Variants in MMAA observed in about 807,000 individuals in gnomAD.
MMAA encodes the protein methylmalonic aciduria type A protein, mitochondrial.
Under a neutral mutation model 45.0 loss-of-function variants are expected in MMAA, and 41 were observed. That is an observed-to-expected ratio of 0.91 (90% confidence interval 0.71 to 1.18). The LOEUF (loss-of-function observed/expected upper bound fraction) is 1.18, where lower values mean the gene tolerates loss of function less well. MMAA is among the 50% of genes most tolerant of loss of function. The pLI is 0.00. For synonymous variants in MMAA, 154 were observed against 178.2 expected, an observed-to-expected ratio of 0.86 and a Z score of 1.08; for missense variants, 460 against 495.7, an observed-to-expected ratio of 0.93 and a Z score of 0.68.
chr4:145,621,604 A>C (rs1289852121), intron 1 of MMAA, among the ~76,000 whole-genome samples: 1 of 152,212 alleles, frequency 6.6e-6, no homozygotes, highest in Non-Finnish European at 1.5e-5. Context: ...GGGGGGGTGG[A>C]ATATGGTAAA....
chr4:145,639,040 T>C, intron 1 of MMAA, 35 bp from the exon 2 acceptor site: 4 of 1,082,014 alleles, frequency 3.7e-6, no homozygotes, highest in Non-Finnish European at 5.7e-6. Flanking sequence ...TTTAGTTATA[T>C]ATCGAACTGG....
intron 5 of MMAA, among the ~76,000 whole-genome samples, chr4:145,652,237 G>A (rs1353701686): frequency 6.6e-6 from 1 of 152,126 alleles, no homozygotes; most frequent in African/African-American, 2.4e-5. Flanking sequence ...AGGCTCCCCT[G>A]AGCTTTAGTG....
intron 1 of MMAA, among the ~76,000 whole-genome samples, chr4:145,635,530 A>G (rs1408370077): frequency 5.3e-5 from 8 of 152,244 alleles, no homozygotes; most frequent in Non-Finnish European, 1.0e-4. Context: ...AAAACCAGGT[A>G]GAAAATGATT....
chr4:145,634,637 C>T (rs1358181325), intron 1 of MMAA, among the ~76,000 whole-genome samples: 3 of 151,874 alleles, frequency 2.0e-5, no homozygotes, highest in South Asian at 2.1e-4. Flanking sequence ...GAAGGAGTCT[C>T]GCCCTGTATC....
At chr4:145,626,111 C>A in intron 1 of MMAA, 1 of 591,784 alleles carries the variant, frequency 1.7e-6, no homozygotes, top group East Asian at 2.7e-5. Flanking sequence ...GACACGGCCC[C>A]ACACAAACCT....
At chr4:145,649,741 G>A (rs1476481713) in intron 4 of MMAA, among the ~76,000 whole-genome samples, 2 of 152,062 alleles carry the variant, frequency 1.3e-5, no homozygotes, top group Non-Finnish European at 2.9e-5. Context: ...CCATCACACC[G>A]AGAAAGGGAG....
intron 1 of MMAA, among the ~76,000 whole-genome samples, chr4:145,622,464 A>G (rs974044715): frequency 4.6e-5 from 7 of 152,150 alleles, no homozygotes; most frequent in African/African-American, 1.7e-4. Context: ...CTTTTGAGAT[A>G]TCTTACTGAA....
At chr4:145,632,548 G>C (rs1253749200) in intron 1 of MMAA, among the ~76,000 whole-genome samples, 2 of 152,114 alleles carry the variant, frequency 1.3e-5, no homozygotes, top group Non-Finnish European at 2.9e-5. Flanking sequence ...CTTTCCCTAT[G>C]TTTGGGAAGT....
intron 4 of MMAA, among the ~76,000 whole-genome samples, chr4:145,649,932 T>A (rs569631542): frequency 1.2e-4 from 19 of 152,144 alleles, no homozygotes; most frequent in Non-Finnish European, 2.5e-4. Flanking sequence ...TATACCACCA[T>A]GCCCAGCTAA....
Position 145,646,151 on chromosome 4 carries a change from C to T in MMAA, c.728C>T (p.Thr243Ile). 1 of 1,613,954 alleles carries T rather than the reference C, an allele frequency of 6.2e-7. No individual in the cohort carries two copies. Among genetic ancestry groups the T allele is most frequent in the Non-Finnish European group, 8.5e-7 (1 of 1,179,898 alleles). The change falls in exon 4 of 7, where the codon ACC becomes ATC. Residue 243 changes from threonine (T) to isoleucine (I), a missense_variant. Physicochemically the swap from Thr to Ile is moderately conservative, Grantham distance 89. Coordinates refer to ENST00000649156, the MANE Select transcript of MMAA (RefSeq NM_172250.3). Reference protein sequence around the residue: ...GAGYDIILIETVGVGQSEFAV... With the variant: ...GAGYDIILIEIVGVGQSEFAV... ...GGATATGACATAATTCTTATTGAAA[C>T]CGTTGGTGAGTGTGATATTCTATTT...
rs1728309625 is a variant in MMAA at position 145,658,933 on chromosome 4, T to C, written c.*3499T>C. The C allele has an allele frequency of 6.6e-6, 1 of 152,172 alleles. No individual in the cohort carries two copies. The highest frequency in any genetic ancestry group is 2.4e-5 in the African/African-American group (1 of 41,446). The allele number at this position is 152,172 out of a possible 1,614,324, so 9.4% of individuals were successfully genotyped here. On this transcript the variant is annotated 3_prime_UTR_variant, in exon 7 of 7. Coordinates refer to ENST00000649156, the MANE Select transcript of MMAA (RefSeq NM_172250.3). ...ATGCAAATGCTTCCTACGCCAGACT[T>C]TATGAAACTCCTCCTAAAGTTGAAT...
intron 5 of MMAA, among the ~76,000 whole-genome samples, chr4:145,653,648 G>A (rs146015421): frequency 6.6e-6 from 1 of 152,282 alleles, no homozygotes; most frequent in African/African-American, 2.4e-5. Flanking sequence ...AATGATGAAT[G>A]GTTTTGCATC....
intron 2 of MMAA, among the ~76,000 whole-genome samples, chr4:145,642,056 A>G (rs1480338405): frequency 6.6e-6 from 1 of 152,198 alleles, no homozygotes; most frequent in Non-Finnish European, 1.5e-5. Flanking sequence ...GCACATTAAC[A>G]ATGGAGACAA....
intron 4 of MMAA, among the ~76,000 whole-genome samples, chr4:145,648,484 A>G (rs114191263): frequency 0.016 from 2,385 of 152,272 alleles, 63 homozygotes; most frequent in African/African-American, 0.055. Flanking sequence ...AACACAGCTC[A>G]GTTTATAACA....
At chr4:145,625,833 A>G in intron 1 of MMAA, 1 of 1,218,522 alleles carries the variant, frequency 8.2e-7, no homozygotes, top group South Asian at 1.2e-5. Flanking sequence ...ATTTAGTCAC[A>G]CCTCATGGCT....
intron 3 of MMAA, among the ~76,000 whole-genome samples, chr4:145,643,603 T>C (rs896751051): frequency 6.6e-6 from 1 of 151,890 alleles, no homozygotes; most frequent in Non-Finnish European, 1.5e-5. Context: ...CATTCAAAAT[T>C]TTTGAGTCAC....
intron 1 of MMAA, among the ~76,000 whole-genome samples, chr4:145,620,886 G>C (rs1229260610): frequency 6.6e-6 from 1 of 152,202 alleles, no homozygotes; most frequent in Non-Finnish European, 1.5e-5. Flanking sequence ...ACTCTCCTTA[G>C]AGGAATTTTG....
At chr4:145,653,881 C>A in intron 5 of MMAA, 113 bp from the exon 6 acceptor site, 1 of 1,136,248 alleles carries the variant, frequency 8.8e-7, no homozygotes, top group Non-Finnish European at 1.3e-6. Context: ...GCATCCAGGG[C>A]TTAGGAGGAT....
chr4:145,624,963 T>C, intron 1 of MMAA: 1 of 1,102,464 alleles, frequency 9.1e-7, no homozygotes, highest in Non-Finnish European at 1.4e-6. Flanking sequence ...TTGGGCTGGT[T>C]TCCCTGACAG....
Sources: allele counts gnomAD v4.1 joint callset (sites outside exome capture counted in the v4.1 genomes callset), GRCh38; gene constraint gnomAD v4.1.1; transcripts MANE v1.5; gene names NCBI Gene and HGNC (gene_info 2026-07-23, HGNC 2026-07-21).